The following TOGARAM1 variants were observed in gnomAD, a reference collection of about 807,000 sequenced individuals.
The protein encoded by TOGARAM1 is TOG array regulator of axonemal microtubules 1, also known as TOG array regulator of axonemal microtubules protein 1.
A neutral mutation model predicts 166.6 loss-of-function variants in TOGARAM1; 100 were observed. That is an observed-to-expected ratio of 0.60 (90% CI 0.51 to 0.71). TOGARAM1 has a LOEUF of 0.71. Among genes scored for constraint, TOGARAM1 ranks in the 30% least tolerant of loss-of-function variants. The pLI is 0.00. For missense variants in TOGARAM1, 2,029 were observed against 2,102.7 expected (o/e 0.96, Z 0.69); for synonymous variants, 758 against 763.8 (o/e 0.99, Z 0.13).
intron 2 of TOGARAM1, 122 bp downstream of exon 2, chr14:44,996,024 T>A: frequency 1.5e-6 from 1 of 686,328 alleles, no homozygotes; most frequent in Non-Finnish European, 2.2e-6. Context: ...AAGTTATTTA[T>A]TGAAGATCTG....
intron 1 of TOGARAM1, among the ~76,000 whole-genome samples, chr14:44,964,976 A>G (rs1255033935): frequency 7.0e-6 from 1 of 141,878 alleles, no homozygotes; most frequent in Non-Finnish European, 1.5e-5. Context: ...AAAAAAAAGG[A>G]AAAAGAAAAA....
intron 16 of TOGARAM1, among the ~76,000 whole-genome samples, chr14:45,055,981 C>T (rs1882618749): frequency 6.6e-6 from 1 of 151,160 alleles, no homozygotes; most frequent in South Asian, 2.1e-4. Context: ...GCAGTATGGT[C>T]GTTTTAATTA....
In TOGARAM1 at chr14:45,054,523, T is replaced by C; in HGVS notation, c.4533T>C (p.Ser1511=). The change falls in exon 16 of 20, where the codon TCT becomes TCC. Residue 1511 remains serine, a synonymous_variant. Transcript: ENST00000361462. ...SVGNTRSSSV[S]RDAFNSAERA... ...GAAATACAAGATCATCATCTGTTTC[T>C]AGAGATGCTTTCAATTCAGCTGAAA... 6.2e-7 allele frequency: 1 copy of C among 1,611,452 alleles called. No homozygotes were observed. Among genetic ancestry groups the C allele is most frequent in the Non-Finnish European group, 8.5e-7 (1 of 1,178,126 alleles).
At position 44,964,353 on chromosome 14, in the gene TOGARAM1, C is replaced by G. The variant is rs766717399; in HGVS notation, c.1932C>G (p.Ile644Met). ...TTTATGGATCTTACAGCCCAACTAT[C>G]TGTACCCGAAGGGTATTAAGTGCAG... ...MHIYGSYSPT[I>M]CTRRVLSAGK... The change falls in exon 1 of 20, where the codon ATC (isoleucine) becomes ATG (methionine). Residue 644 changes from isoleucine to methionine, a missense_variant. This residue lies in a region of TOGARAM1 where 1,453 missense variants were observed against 1,432.2 expected (regional missense o/e 1.01). Coordinates refer to ENST00000361462, the MANE Select transcript of TOGARAM1 (RefSeq NM_001308120.2). The G allele has an allele frequency of 1.2e-6, 2 of 1,614,148 alleles. No homozygotes were observed. Among genetic ancestry groups the G allele is most frequent in the South Asian group, 2.2e-5 (2 of 91,072 alleles).
chr14:44,972,882 A>C (rs969637767), intron 1 of TOGARAM1, among the ~76,000 whole-genome samples: 14 of 152,050 alleles, frequency 9.2e-5, no homozygotes, highest in African/African-American at 3.4e-4. Context: ...AAATAACGTT[A>C]TTTTGTTCAA....
At chr14:44,975,559 C>T (rs1419298270) in intron 1 of TOGARAM1, among the ~76,000 whole-genome samples, 1 of 152,096 alleles carries the variant, frequency 6.6e-6, no homozygotes, top group Admixed American at 6.6e-5. Flanking sequence ...CTCTGTCTCC[C>T]AGGTTCAAGC....
chr14:44,985,293 G>C (rs575764047), intron 1 of TOGARAM1, among the ~76,000 whole-genome samples: 1 of 152,284 alleles, frequency 6.6e-6, no homozygotes, highest in East Asian at 1.9e-4. Context: ...ATTAACAGGC[G>C]TGAGCCATTG....
intron 2 of TOGARAM1, 70 bp downstream of exon 2, chr14:44,995,972 T>C: frequency 1.5e-6 from 2 of 1,337,638 alleles, no homozygotes; most frequent in Non-Finnish European, 2.0e-6. Context: ...GTGCATTCAA[T>C]GACTCATAGA....
Position 44,964,175 on chromosome 14 carries a change from G to T in TOGARAM1, c.1754G>T (p.Gly585Val), listed in dbSNP as rs1885385318. 3 of 1,614,242 alleles carry T rather than the reference G, an allele frequency of 1.9e-6. No individual in the cohort carries two copies. Among genetic ancestry groups the T allele is most frequent in the Non-Finnish European group, 2.5e-6 (3 of 1,180,040 alleles). The part of the protein sequence containing the change: ...RKTLPRLTEQ[G>V]FVEYAVLMPS... Reference sequence around the variant, plus strand: ...ACCTTACCAAGGCTCACAGAGCAGGGATTTGTGGAATATGCAGTACTGATG... The same window carrying T: ...ACCTTACCAAGGCTCACAGAGCAGGTATTTGTGGAATATGCAGTACTGATG... Residue 585 changes from glycine to valine, a missense_variant, in exon 1 of 20, where the codon GGA becomes GTA. Coordinates refer to ENST00000361462, the MANE Select transcript of TOGARAM1 (RefSeq NM_001308120.2).
At chr14:45,033,456 G>A (rs1881274164) in intron 11 of TOGARAM1, among the ~76,000 whole-genome samples, 1 of 151,898 alleles carries the variant, frequency 6.6e-6, no homozygotes, top group African/African-American at 2.4e-5. Context: ...CCTTAAAACG[G>A]TATCTAAACA....
At chr14:44,969,076 C>T (rs1469124171) in intron 1 of TOGARAM1, among the ~76,000 whole-genome samples, 1 of 151,652 alleles carries the variant, frequency 6.6e-6, no homozygotes, top group Non-Finnish European at 1.5e-5. Context: ...TCCTTTATGT[C>T]TTTTCATGGT....
intron 16 of TOGARAM1, among the ~76,000 whole-genome samples, chr14:45,059,904 A>G (rs1204621402): frequency 6.6e-6 from 1 of 150,910 alleles, no homozygotes; most frequent in East Asian, 1.9e-4. Context: ...GGAGCTTTTT[A>G]GAAATGCAAT....
intron 1 of TOGARAM1, among the ~76,000 whole-genome samples, chr14:44,965,029 C>G (rs1365635843): frequency 6.6e-6 from 1 of 150,960 alleles, no homozygotes; most frequent in South Asian, 2.1e-4. Flanking sequence ...ATTTTCCCCC[C>G]AAAGCTTTTA....
intron 4 of TOGARAM1, among the ~76,000 whole-genome samples, chr14:45,005,237 T>C (rs1320672801): frequency 6.6e-6 from 1 of 152,188 alleles, no homozygotes; most frequent in Non-Finnish European, 1.5e-5. Flanking sequence ...TTATTTGTTA[T>C]AAACTAAAAT....
intron 1 of TOGARAM1, among the ~76,000 whole-genome samples, chr14:44,983,874 T>G (rs1427165884): frequency 6.6e-6 from 1 of 152,194 alleles, no homozygotes; most frequent in East Asian, 1.9e-4. Flanking sequence ...CTACTCTTAG[T>G]GTAAATGTTG....
chr14:45,034,580 G>T (rs549197025), intron 11 of TOGARAM1, among the ~76,000 whole-genome samples: 1 of 152,162 alleles, frequency 6.6e-6, no homozygotes, highest in Non-Finnish European at 1.5e-5. Flanking sequence ...AATACTTCCT[G>T]TTCCCACCAG....
chr14:44,990,268 C>T (rs1315560384), intron 1 of TOGARAM1, among the ~76,000 whole-genome samples: 1 of 152,220 alleles, frequency 6.6e-6, no homozygotes, highest in African/African-American at 2.4e-5. Flanking sequence ...CCAGTTTCAC[C>T]CACTGCTGCC....
chr14:44,982,968 T>C (rs2138762609), intron 1 of TOGARAM1, among the ~76,000 whole-genome samples: 1 of 152,182 alleles, frequency 6.6e-6, no homozygotes, highest in African/African-American at 2.4e-5. Flanking sequence ...CATTTAAGGG[T>C]TTGACAGTGA....
intron 4 of TOGARAM1, among the ~76,000 whole-genome samples, chr14:45,005,203 T>C (rs1367530871): frequency 6.6e-6 from 1 of 152,116 alleles, no homozygotes; most frequent in Non-Finnish European, 1.5e-5. Flanking sequence ...CGTGAGCTAC[T>C]GCACCTGGCT....
Sources: allele counts gnomAD v4.1 joint callset (sites outside exome capture counted in the v4.1 genomes callset), GRCh38; gene constraint gnomAD v4.1.1; regional missense constraint gnomAD v4.1.1; transcripts MANE v1.5; gene names NCBI Gene and HGNC (gene_info 2026-07-23, HGNC 2026-07-21).